C1orf21: variants seen among roughly 807,000 people sequenced by gnomAD.
The protein encoded by C1orf21 is uncharacterized protein C1orf21.
Under a neutral mutation model 18.7 loss-of-function variants are expected in C1orf21, and 3 were observed. That is an observed-to-expected ratio of 0.16 (90% CI 0.07 to 0.42). C1orf21 has a LOEUF of 0.42. Among genes scored for constraint, C1orf21 ranks in the 10% least tolerant of loss-of-function variants. The pLI, the probability that C1orf21 is intolerant of heterozygous loss-of-function variation, is 0.99. For missense variants in C1orf21, 104 were observed against 143.6 expected (o/e 0.72, Z 1.41); for synonymous variants, 41 against 46.4 (o/e 0.88, Z 0.47).
At chr1:184,618,003 A>G (rs567287797) in intron 5 of C1orf21, among the ~76,000 whole-genome samples, 1 of 142,670 alleles carries the variant, frequency 7.0e-6, no homozygotes, top group East Asian at 2.2e-4. Context: ...TCTGCCTCCC[A>G]GGTTCAAGCG....
intron 1 of C1orf21, among the ~76,000 whole-genome samples, chr1:184,438,494 A>C (rs1656892947): frequency 6.6e-6 from 1 of 152,164 alleles, no homozygotes; most frequent in Non-Finnish European, 1.5e-5. Context: ...GTTTCCAGAC[A>C]CTTTTCACCT....
chr1:184,505,900 A>G (rs1658054353), intron 2 of C1orf21, among the ~76,000 whole-genome samples: 1 of 151,776 alleles, frequency 6.6e-6, no homozygotes, highest in Non-Finnish European at 1.5e-5. Flanking sequence ...ATCTCTGTGT[A>G]ATTGTGTTGG....
At chr1:184,459,350 A>G (rs890969199) in intron 1 of C1orf21, among the ~76,000 whole-genome samples, 8 of 152,254 alleles carry the variant, frequency 5.3e-5, no homozygotes, top group African/African-American at 1.7e-4. Context: ...TTTAGAACAA[A>G]GAGTACAAGT....
chr1:184,399,624 G>A (rs140069641), intron 1 of C1orf21, among the ~76,000 whole-genome samples: 348 of 152,118 alleles, frequency 2.3e-3, no homozygotes, highest in Middle Eastern at 0.017. Flanking sequence ...CAAAGTGCTC[G>A]GATTATAGGC....
At chr1:184,445,230 T>A (rs1198544972) in intron 1 of C1orf21, among the ~76,000 whole-genome samples, 1 of 152,220 alleles carries the variant, frequency 6.6e-6, no homozygotes, top group Non-Finnish European at 1.5e-5. Flanking sequence ...CCATTCATTC[T>A]AATAAAGTCA....
chr1:184,609,346 A>G (rs1312796610), intron 5 of C1orf21, among the ~76,000 whole-genome samples: 1 of 152,178 alleles, frequency 6.6e-6, no homozygotes, highest in African/African-American at 2.4e-5. Flanking sequence ...ACTGTAATGA[A>G]AGGAGATGTG....
At chr1:184,606,944 G>A (rs1056238418) in intron 5 of C1orf21, among the ~76,000 whole-genome samples, 1 of 152,174 alleles carries the variant, frequency 6.6e-6, no homozygotes, top group Non-Finnish European at 1.5e-5. Flanking sequence ...TATCAGCTGG[G>A]AAGGAATTAT....
intron 3 of C1orf21, among the ~76,000 whole-genome samples, chr1:184,562,927 T>A (rs1369689922): frequency 6.6e-6 from 1 of 152,236 alleles, no homozygotes; most frequent in East Asian, 1.9e-4. Flanking sequence ...TATGTTTACA[T>A]CACATTTTCT....
At chr1:184,606,855 T>G (rs1486158854) in intron 5 of C1orf21, among the ~76,000 whole-genome samples, 2 of 152,192 alleles carry the variant, frequency 1.3e-5, no homozygotes, top group Non-Finnish European at 2.9e-5. Flanking sequence ...TTAGAGAATG[T>G]CTTATCCAAT....
At chr1:184,408,464 C>G (rs577958663) in intron 1 of C1orf21, 1 of 152,304 alleles carries the variant, frequency 6.6e-6, no homozygotes, top group Non-Finnish European at 1.5e-5. Flanking sequence ...AGGGTTTGTG[C>G]TTGTAGGAAA....
intron 3 of C1orf21, among the ~76,000 whole-genome samples, chr1:184,579,380 T>G (rs9659355): frequency 3.7e-5 from 1 of 27,360 alleles, no homozygotes; most frequent in Admixed American, 3.7e-4. Flanking sequence ...ATAAGCTGGG[T>G]TTTTTTTTTT....
In C1orf21 at chr1:184,571,329, G is replaced by A. The variant is rs1174567566; in HGVS notation, c.190-19410G>A. On this transcript the variant is annotated intron_variant, in intron 3 of 5. Coordinates refer to ENST00000235307, the MANE Select transcript of C1orf21 (RefSeq NM_030806.4). Reference sequence around the variant, plus strand: ...AAAAAAAAAAAAAAAGAAAAGGTACGGTAAAAATACAGTATTATAATATTA... The same window carrying A: ...AAAAAAAAAAAAAAAGAAAAGGTACAGTAAAAATACAGTATTATAATATTA... Among the ~76,000 whole-genome samples the A allele has an allele frequency of 1.3e-5, 2 of 150,398 alleles. 1 individual carries two copies. The highest frequency in any genetic ancestry group is 4.2e-4 in the South Asian group (2 of 4,782).
intron 1 of C1orf21, among the ~76,000 whole-genome samples, chr1:184,465,246 A>G (rs1463366821): frequency 6.6e-6 from 1 of 152,208 alleles, no homozygotes; most frequent in Non-Finnish European, 1.5e-5. Flanking sequence ...TCTCTTAGAA[A>G]ATTAATGTGA....
At chr1:184,511,048 C>T (rs562285666) in intron 3 of C1orf21, among the ~76,000 whole-genome samples, 14 of 152,200 alleles carry the variant, frequency 9.2e-5, no homozygotes, top group South Asian at 2.1e-4. Flanking sequence ...GATTTAGACC[C>T]GCTGGAACGA....
chr1:184,438,176 C>T (rs1311246882), intron 1 of C1orf21, among the ~76,000 whole-genome samples: 1 of 152,182 alleles, frequency 6.6e-6, no homozygotes, highest in African/African-American at 2.4e-5. Flanking sequence ...AAGAGTTCAC[C>T]TTCCTAGGAA....
At position 184,621,415 on chromosome 1, in the gene C1orf21, A is replaced by C. The variant is rs1032902684; in HGVS notation, c.*1859A>C. On this transcript the variant is annotated 3_prime_UTR_variant, in exon 6 of 6. Transcript: ENST00000235307. ...AAATGCAGGGAGAGTCAAGTAGTCT[A>C]GGGTTTCAGGTTGCCTCCCCTCATA... 1 of 152,628 alleles carries C rather than the reference A, an allele frequency of 6.6e-6. No individual in the cohort carries two copies. The highest frequency in any genetic ancestry group is 1.5e-5 in the Non-Finnish European group (1 of 68,036). 9.5% of individuals were successfully genotyped at this position (152,628 alleles called of 1,614,324 possible). A position where few individuals can be genotyped will look rare whatever the true frequency, so the allele number is the denominator to read the frequency against.
chr1:184,524,756 A>G (rs931000467), intron 3 of C1orf21, among the ~76,000 whole-genome samples: 4 of 152,080 alleles, frequency 2.6e-5, no homozygotes, highest in African/African-American at 7.2e-5. Flanking sequence ...ACAAATTTCA[A>G]ACCCCTAAAG....
intron 1 of C1orf21, among the ~76,000 whole-genome samples, chr1:184,420,810 A>G (rs1656536262): frequency 6.6e-6 from 1 of 152,050 alleles, no homozygotes; most frequent in South Asian, 2.1e-4. Context: ...TAAGCCCATG[A>G]GTTTTTTTTT....
intron 2 of C1orf21, among the ~76,000 whole-genome samples, chr1:184,481,655 T>G (rs1047122670): frequency 3.9e-5 from 6 of 152,162 alleles, no homozygotes; most frequent in African/African-American, 1.4e-4. Flanking sequence ...TCTGCTAAAT[T>G]TTCTTCATCC....
Sources: gnomAD v4.1 joint callset for allele counts (sites outside exome capture counted in the v4.1 genomes callset) on GRCh38, gnomAD v4.1.1 for gene constraint, MANE v1.5 for transcripts, NCBI Gene and HGNC (gene_info 2026-07-23, HGNC 2026-07-21) for gene names.